The following STXBP4 variants were observed in gnomAD, a reference collection of about 807,000 sequenced individuals.
STXBP4 encodes syntaxin-binding protein 4.
Under a neutral mutation model 76.1 loss-of-function variants are expected in STXBP4, and 55 were observed. The observed-to-expected ratio is 0.72, with a 90% CI of 0.58 to 0.91. STXBP4 has a LOEUF of 0.91. Among genes scored for constraint, STXBP4 ranks in the 40% least tolerant of loss-of-function variants. The pLI is 0.00. For synonymous variants in STXBP4, 201 were observed against 220.2 expected (o/e 0.91, Z 0.77); for missense variants, 618 against 636.9 (o/e 0.97, Z 0.32).
intron 8 of STXBP4, among the ~76,000 whole-genome samples, chr17:55,008,108 T>C (rs1304948598): frequency 1.3e-5 from 2 of 151,828 alleles, no homozygotes; most frequent in East Asian, 1.9e-4. Context: ...GAGACTCTCA[T>C]GTAAAAGAAA....
In STXBP4 at chr17:55,009,458, CTTAGT is replaced by C. The variant is rs966474822; in HGVS notation, c.666+1865_666+1869del. Among the ~76,000 whole-genome samples, 12 of 152,164 alleles carry C rather than the reference CTTAGT, an allele frequency of 7.9e-5. No homozygotes were observed. In the East Asian group the frequency reaches 1.7e-3, roughly 22 times the overall value. On this transcript the variant is annotated intron_variant, in intron 8 of 17. Coordinates refer to ENST00000376352, the MANE Select transcript of STXBP4 (RefSeq NM_178509.6). ...TTACCTGACAGACTTTGTTATTTTA[CTTAGT>C]TTAAATTTTTCTAGCACATGATATT...
intron 8 of STXBP4, among the ~76,000 whole-genome samples, chr17:55,028,547 G>A (rs1157472541): frequency 1.3e-5 from 2 of 152,160 alleles, no homozygotes; most frequent in Non-Finnish European, 2.9e-5. Context: ...CTCAAGGGCA[G>A]GGCTGCAGTT....
At position 54,990,817 on chromosome 17, in the gene STXBP4, T is replaced by C; in HGVS notation, c.48-8T>C. 1 of 1,594,146 alleles carries C rather than the reference T, an allele frequency of 6.3e-7. No individual in the cohort carries two copies. The highest frequency in any genetic ancestry group is 1.2e-5 in the South Asian group (1 of 86,784). On this transcript the variant is annotated splice_region_variant and splice_polypyrimidine_tract_variant and intron_variant, in intron 3 of 17. Transcript: ENST00000376352. ...CTAACCTGTGTGTGCTAATTTACTT[T>C]ATCTTAGGGATCCTGCCTTTCAGAT... is the stretch of plus-strand genomic sequence containing the variant.
chr17:55,081,691 T>C (rs1010665085), intron 16 of STXBP4, among the ~76,000 whole-genome samples: 6 of 152,160 alleles, frequency 3.9e-5, no homozygotes, highest in African/African-American at 1.2e-4. Context: ...ATTAATTAAA[T>C]GGCTTGGAAT....
In STXBP4 at chr17:55,091,810, A is replaced by G. The variant is rs186662866; in HGVS notation, c.1489+10627A>G. Among the ~76,000 whole-genome samples the G allele has an allele frequency of 7.9e-5, 12 of 152,312 alleles. No individual in the cohort carries two copies. In the East Asian group the frequency reaches 2.1e-3, roughly 27 times the overall value. On this transcript the variant is annotated intron_variant, in intron 16 of 17. Coordinates refer to ENST00000376352, the MANE Select transcript of STXBP4 (RefSeq NM_178509.6). ...GACACCTTTACTTTCTGATGGTTCA[A>G]TGATCACAAATTTGGTTCACGCACA...
chr17:55,014,407 C>T (rs2078168401), intron 8 of STXBP4, among the ~76,000 whole-genome samples: 1 of 152,126 alleles, frequency 6.6e-6, no homozygotes, highest in Admixed American at 6.5e-5. Context: ...ATTAGAAAAG[C>T]ATGTGAAAAG....
At chr17:54,990,320 G>A (rs2077694612) in intron 3 of STXBP4, among the ~76,000 whole-genome samples, 1 of 152,166 alleles carries the variant, frequency 6.6e-6, no homozygotes, top group South Asian at 2.1e-4. Context: ...TCTAGGGCAA[G>A]TAAGCATTAC....
In STXBP4 at chr17:54,968,822, T is replaced by C; in HGVS notation, c.-157+7T>C. ...CCGGGTTGCCAGATTACGGGTAAGT[T>C]TGCGTTTTGCTTTGTGACTGTTACT... On this transcript the variant is annotated splice_region_variant and intron_variant, in intron 1 of 17. Transcript: ENST00000376352. The C allele has an allele frequency of 1.5e-6, 1 of 647,268 alleles. No individual in the cohort carries two copies. The highest frequency in any genetic ancestry group is 2.7e-5 in the East Asian group (1 of 36,808). The allele number at this position is 647,268 out of a possible 1,614,324, so 40.1% of individuals were successfully genotyped here. A position where few individuals can be genotyped will look rare whatever the true frequency, so the allele number is the denominator to read the frequency against.
intron 4 of STXBP4, among the ~76,000 whole-genome samples, chr17:54,993,817 T>C (rs867998389): frequency 1.3e-5 from 2 of 152,350 alleles, no homozygotes; most frequent in Middle Eastern, 6.8e-3. Context: ...AACATTATAA[T>C]GTTTCATAAT....
At chr17:55,020,263 C>T (rs1230440692) in intron 8 of STXBP4, among the ~76,000 whole-genome samples, 3 of 152,196 alleles carry the variant, frequency 2.0e-5, no homozygotes, top group Non-Finnish European at 2.9e-5. Flanking sequence ...TATTTCTCTG[C>T]TTCACTCTCT....
intron 16 of STXBP4, among the ~76,000 whole-genome samples, chr17:55,099,853 G>A (rs781198386): frequency 3.9e-5 from 6 of 152,128 alleles, no homozygotes; most frequent in South Asian, 4.2e-4. Flanking sequence ...TAGGTACCAC[G>A]TACCATCTGC....
the STXBP4 span, among the ~76,000 whole-genome samples, chr17:55,188,475 AGAACAGTGATACCTGG>A: frequency 6.6e-6 from 1 of 152,200 alleles, no homozygotes; most frequent in Non-Finnish European, 1.5e-5. Context: ...CTCTCTCCCT[AGAACAGTGATACCTGG>A]GAACTGGACA....
chr17:55,157,438 C>T (rs902511224), intron 17 of STXBP4, among the ~76,000 whole-genome samples: 1 of 152,126 alleles, frequency 6.6e-6, no homozygotes, highest in Non-Finnish European at 1.5e-5. Context: ...TTAACCTGTG[C>T]CGAATCAAAT....
chr17:55,140,875 C>G (rs986550241), intron 16 of STXBP4, among the ~76,000 whole-genome samples: 2 of 152,164 alleles, frequency 1.3e-5, no homozygotes, highest in Non-Finnish European at 2.9e-5. Context: ...CCCTGCTGAT[C>G]TGGCACTCAT....
At chr17:55,069,394 A>T (rs939763858) in intron 12 of STXBP4, among the ~76,000 whole-genome samples, 5 of 152,140 alleles carry the variant, frequency 3.3e-5, no homozygotes, top group African/African-American at 1.2e-4. Context: ...TTTCAGTCTC[A>T]TGGTGAGGCA....
Position 54,999,688 on chromosome 17 carries a change from C to T in STXBP4, c.344C>T (p.Pro115Leu), listed in dbSNP as rs760494443. The T allele has an allele frequency of 1.2e-6, 2 of 1,613,576 alleles. No homozygotes were observed. Among genetic ancestry groups the T allele is most frequent in the Admixed American group, 3.3e-5 (2 of 59,966 alleles). Residue 115 changes from proline to leucine, a missense_variant, in exon 6 of 18, where the codon CCA becomes CTA. Transcript: ENST00000376352. Reference sequence around the variant, plus strand: ...AGACAAAAATCCGACAACATTCAGCCAGAAAATCTGTCATGTACATCACTT... The same window carrying T: ...AGACAAAAATCCGACAACATTCAGCTAGAAAATCTGTCATGTACATCACTT... ...FIRQKSDNIQ[P>L]ENLSCTSLIE...
intron 16 of STXBP4, among the ~76,000 whole-genome samples, chr17:55,131,424 A>G (rs1380361638): frequency 6.6e-6 from 1 of 152,214 alleles, no homozygotes; most frequent in Non-Finnish European, 1.5e-5. Context: ...GAGACACACT[A>G]ATTTCTCTGT....
intron 8 of STXBP4, among the ~76,000 whole-genome samples, chr17:55,010,094 G>A (rs752465369): frequency 9.2e-5 from 14 of 151,894 alleles, no homozygotes; most frequent in Admixed American, 2.0e-4. Context: ...AACATTACAC[G>A]TGGCAGCTCG....
chr17:55,096,236 G>A (rs1311256976), intron 16 of STXBP4, among the ~76,000 whole-genome samples: 1 of 152,048 alleles, frequency 6.6e-6, no homozygotes, highest in Non-Finnish European at 1.5e-5. Flanking sequence ...GCTCACTGCA[G>A]CCTCAATCTC....
Sources: gnomAD v4.1 joint callset for allele counts (sites outside exome capture counted in the v4.1 genomes callset) on GRCh38, gnomAD v4.1.1 for gene constraint, MANE v1.5 for transcripts, NCBI Gene and HGNC (gene_info 2026-07-23, HGNC 2026-07-21) for gene names.